The following SORCS1 variants were observed in gnomAD, a reference collection of about 807,000 sequenced individuals.
SORCS1 encodes sortilin related VPS10 domain containing receptor 1.
In SORCS1, 60 loss-of-function variants were observed where a neutral mutation model predicts 146.1. The observed-to-expected ratio is 0.41, with a 90% CI of 0.33 to 0.51. The LOEUF (loss-of-function observed/expected upper bound fraction) is 0.51, where lower values mean the gene tolerates loss of function less well. Among genes scored for constraint, SORCS1 ranks in the 20% least tolerant of loss-of-function variants. The pLI, the probability that SORCS1 is intolerant of heterozygous loss-of-function variation, is 0.21. For missense variants in SORCS1, 1,352 were observed against 1,487.6 expected, an observed-to-expected ratio of 0.91 and a Z score of 1.50; for synonymous variants, 637 against 584.0, an observed-to-expected ratio of 1.09 and a Z score of -1.31.
intron 1 of SORCS1, among the ~76,000 whole-genome samples, chr10:106,999,247 CCAAA>C (rs1957118554): frequency 6.6e-6 from 1 of 152,094 alleles, no homozygotes; most frequent in Admixed American, 6.6e-5. Context: ...ACTGCCACCA[CCAAA>C]CATACATACA....
At chr10:107,066,998 G>A (rs2134155599) in intron 1 of SORCS1, among the ~76,000 whole-genome samples, 1 of 152,292 alleles carries the variant, frequency 6.6e-6, no homozygotes, top group South Asian at 2.1e-4. Context: ...ACAACTCAGA[G>A]ATATAAAAAA....
Position 106,612,020 on chromosome 10 carries a change from T to G in SORCS1, c.2924A>C (p.Glu975Ala). 1.2e-6 allele frequency: 2 copies of G among 1,612,826 alleles called. No individual in the cohort carries two copies. Among genetic ancestry groups the G allele is most frequent in the South Asian group, 2.2e-5 (2 of 91,032 alleles). The change falls in exon 22 of 26, where the codon GAA becomes GCA. Residue 975 changes from glutamate (E) to alanine (A), a missense_variant. By Grantham distance (107) the Glu-to-Ala change is moderately radical. Transcript: ENST00000263054. Reference sequence around the variant, plus strand: ...AAAGGACAAGCGAAGAGACCGGAATTCCTCTGGGGATATAACAGTAGATGG... The same window carrying G: ...AAAGGACAAGCGAAGAGACCGGAATGCCTCTGGGGATATAACAGTAGATGG... ...QDTKTIAVYE[E>A]FRSLRLSFSP...
rs1252970369 is a variant in SORCS1 at position 106,574,189 on chromosome 10, A to AAAAGC, written c.*3226_*3230dup. 3 of 152,768 alleles carry AAAAGC rather than the reference A, an allele frequency of 2.0e-5. No individual in the cohort carries two copies. Among genetic ancestry groups the AAAAGC allele is most frequent in the African/African-American group, 7.2e-5 (3 of 41,580 alleles). The allele number at this position is 152,768 out of a possible 1,614,324, so 9.5% of individuals were successfully genotyped here. On this transcript the variant is annotated 3_prime_UTR_variant, in exon 26 of 26. Coordinates refer to ENST00000263054, the MANE Select transcript of SORCS1 (RefSeq NM_052918.5). ...AGTTGCTGTTTGGAACTTCTGAAAA[A>AAAAGC]AAAGCAAAGCAAACCTCTGCATTTT...
chr10:106,829,608 C>T lies in SORCS1; in HGVS notation c.692G>A (p.Ser231Asn), dbSNP rs767766578. 1.9e-6 allele frequency: 3 copies of T among 1,607,360 alleles called. No individual in the cohort carries two copies. In the South Asian group the frequency reaches 3.3e-5, roughly 18 times the overall value. The change falls in exon 3 of 26, where the codon AGC (serine) becomes AAC (asparagine). Residue 231 changes from serine to asparagine, a missense_variant. Ser to Asn is a conservative substitution (Grantham distance 46). Around this residue, in one of 3 missense-constraint regions of SORCS1, gnomAD observed 490 missense variants for 489.1 expected, o/e 1.00. Coordinates refer to ENST00000263054, the MANE Select transcript of SORCS1 (RefSeq NM_052918.5). ...NDKVGLKTILSYLYVCPTNKR... is the reference protein window; with the variant it reads ...NDKVGLKTILNYLYVCPTNKR... ...GTTGGTAGGACACACATAGAGATAGCTCAAAATGGTTTTCAAACCAACTTT... is the reference window on the plus strand; with the variant it reads ...GTTGGTAGGACACACATAGAGATAGTTCAAAATGGTTTTCAAACCAACTTT...
intron 24 of SORCS1, among the ~76,000 whole-genome samples, chr10:106,583,534 T>A (rs1170876201): frequency 6.6e-6 from 1 of 152,122 alleles, no homozygotes; most frequent in East Asian, 1.9e-4. Context: ...TTAGATGAAG[T>A]CTTGCTTTGT....
At chr10:106,631,027 T>C (rs1430605275) in intron 18 of SORCS1, among the ~76,000 whole-genome samples, 2 of 152,222 alleles carry the variant, frequency 1.3e-5, no homozygotes, top group Non-Finnish European at 2.9e-5. Flanking sequence ...ACCTTTGAAC[T>C]AGAAATGTAT....
At chr10:106,841,278 T>C (rs905132742) in intron 2 of SORCS1, among the ~76,000 whole-genome samples, 1 of 151,962 alleles carries the variant, frequency 6.6e-6, no homozygotes, top group Admixed American at 6.6e-5. Context: ...GAGACCAGCC[T>C]GGGCAACATG....
intron 2 of SORCS1, among the ~76,000 whole-genome samples, chr10:106,901,702 T>C (rs939004452): frequency 9.2e-5 from 14 of 152,182 alleles, no homozygotes; most frequent in Admixed American, 2.0e-4. Context: ...CTGAAAGTGG[T>C]AGAATTACAG....
intron 9 of SORCS1, among the ~76,000 whole-genome samples, chr10:106,689,403 T>G (rs1853126052): frequency 6.6e-6 from 1 of 152,184 alleles, no homozygotes; most frequent in Admixed American, 6.5e-5. Flanking sequence ...CCTCATTTAA[T>G]ACTCAGAATA....
chr10:106,679,177 A>T (rs1480984635), intron 12 of SORCS1, 79 bp downstream of exon 12: 6 of 1,072,136 alleles, frequency 5.6e-6, no homozygotes, highest in Non-Finnish European at 8.4e-6. Context: ...CCGCTGAAAA[A>T]AGTTCCCAGA....
At chr10:106,619,409 A>C (rs1469919678) in intron 20 of SORCS1, among the ~76,000 whole-genome samples, 1 of 152,226 alleles carries the variant, frequency 6.6e-6, no homozygotes, top group Non-Finnish European at 1.5e-5. Flanking sequence ...AGCTAAAGCC[A>C]AGTTTCAGCT....
intron 1 of SORCS1, among the ~76,000 whole-genome samples, chr10:107,139,558 AACAG>A (rs1165663016): frequency 6.6e-6 from 1 of 152,108 alleles, no homozygotes. Flanking sequence ...GAGGGGAAAA[AACAG>A]ACAGCAGATT....
intron 5 of SORCS1, among the ~76,000 whole-genome samples, chr10:106,731,032 G>T (rs1413981111): frequency 1.3e-5 from 2 of 152,064 alleles, no homozygotes; most frequent in Non-Finnish European, 1.5e-5. Context: ...TCCCTGGGCC[G>T]GGCGTGGTGG....
intron 3 of SORCS1, among the ~76,000 whole-genome samples, chr10:106,818,857 A>T (rs1421871119): frequency 6.6e-6 from 1 of 152,160 alleles, no homozygotes; most frequent in African/African-American, 2.4e-5. Flanking sequence ...AAATATTTGC[A>T]TCTCTGTGAA....
intron 9 of SORCS1, among the ~76,000 whole-genome samples, chr10:106,691,041 A>G (rs1853257201): frequency 6.6e-6 from 1 of 152,194 alleles, no homozygotes; most frequent in Non-Finnish European, 1.5e-5. Flanking sequence ...GTGTGGGTGT[A>G]CATGGGTGTA....
chr10:106,699,259 C>G lies in SORCS1; in HGVS notation c.1368G>C (p.Gln456His). The G allele has an allele frequency of 6.2e-7, 1 of 1,613,966 alleles. No individual in the cohort carries two copies. Among genetic ancestry groups the G allele is most frequent in the Non-Finnish European group, 8.5e-7 (1 of 1,179,900 alleles). Residue 456 changes from glutamine (Q) to histidine (H), a missense_variant, in exon 9 of 26, where the codon CAG (glutamine) becomes CAC (histidine). Gln to His is a conservative substitution (Grantham distance 24). This residue lies in a region of SORCS1 where 648 missense variants were observed against 793.8 expected (regional missense o/e 0.82). Coordinates refer to ENST00000263054, the MANE Select transcript of SORCS1 (RefSeq NM_052918.5). ...VYFTLALENV[Q>H]SSRGPEGNIM... ...TGTTGCCCTCAGGGCCTCTGCTGCT[C>G]TGGACATTCTCCAAGGCCAGGGTGA...
intron 1 of SORCS1, among the ~76,000 whole-genome samples, chr10:107,011,496 C>A (rs1316655681): frequency 1.3e-5 from 2 of 152,220 alleles, no homozygotes; most frequent in Non-Finnish European, 2.9e-5. Flanking sequence ...TTCTGCCCTG[C>A]AAGCTACCCA....
chr10:106,763,352 G>C (rs10509819), intron 4 of SORCS1, among the ~76,000 whole-genome samples: 2,292 of 152,226 alleles, frequency 0.015, 56 homozygotes, highest in African/African-American at 0.052. Context: ...TCTGGAGCCT[G>C]TGGACCACTC....
intron 18 of SORCS1, among the ~76,000 whole-genome samples, chr10:106,650,330 G>C (rs893399824): frequency 6.6e-6 from 1 of 152,178 alleles, no homozygotes; most frequent in Non-Finnish European, 1.5e-5. Flanking sequence ...TCCTAGGATA[G>C]AGATTTCCAG....
Sources: allele counts gnomAD v4.1 joint callset (sites outside exome capture counted in the v4.1 genomes callset), GRCh38; gene constraint gnomAD v4.1.1; regional missense constraint gnomAD v4.1.1; transcripts MANE v1.5; gene names NCBI Gene and HGNC (gene_info 2026-07-23, HGNC 2026-07-21).